The following CGNL1 variants were observed in gnomAD, a reference collection of about 807,000 sequenced individuals.
The protein encoded by CGNL1 is cingulin like 1.
CGNL1 carries 132 observed loss-of-function variants against 141.2 expected under a neutral mutation model. The observed-to-expected ratio is 0.93, with a 90% CI of 0.81 to 1.08. The LOEUF (loss-of-function observed/expected upper bound fraction) is 1.08, where lower values mean the gene tolerates loss of function less well. Ranked by LOEUF, CGNL1 falls within the 50% of genes least tolerant of loss-of-function variation. The pLI is 0.00. For synonymous variants in CGNL1, 690 were observed against 622.1 expected, an observed-to-expected ratio of 1.11 and a Z score of -1.63; for missense variants, 1,870 against 1,588.6, an observed-to-expected ratio of 1.18 and a Z score of -3.01.
At chr15:57,418,857 C>T (rs7494888) in intron 1 of CGNL1, among the ~76,000 whole-genome samples, 29,277 of 151,556 alleles carry the variant, frequency 0.19, 3,092 homozygotes, top group Middle Eastern at 0.26. Flanking sequence ...CCAGAGCTGG[C>T]GGGTGAGTCG....
At position 57,451,508 on chromosome 15, in the gene CGNL1, T is replaced by C; in HGVS notation, c.1812T>C (p.Asn604=). 1 of 1,608,950 alleles carries C rather than the reference T, an allele frequency of 6.2e-7. No individual in the cohort carries two copies. Among genetic ancestry groups the C allele is most frequent in the Non-Finnish European group, 8.5e-7 (1 of 1,177,162 alleles). The change falls in exon 5 of 19, where the codon AAT becomes AAC. Residue 604 remains asparagine (N), a synonymous_variant. Coordinates refer to ENST00000281282, the MANE Select transcript of CGNL1 (RefSeq NM_032866.5). ...GSAQGNNQAC[N]STSEVKDLLE... ...TTTGCAATTAATTATAGGCTTGTAA[T>C]TCCACATCTGAAGTCAAAGATCTAT...
rs183519069 is a variant in CGNL1, at chr15:57,519,347, G to A, written c.2715+850G>A. On this transcript the variant is annotated intron_variant, in intron 10 of 18. Coordinates refer to ENST00000281282, the MANE Select transcript of CGNL1 (RefSeq NM_032866.5). ...TGTAGTCAGGGATAGGTGAAGTGGGGGCATTAAAAGTGTTAAGAGCCGAGT... is the reference window on the plus strand; with the variant it reads ...TGTAGTCAGGGATAGGTGAAGTGGGAGCATTAAAAGTGTTAAGAGCCGAGT... 7.4e-4 allele frequency among the ~76,000 whole-genome samples: 112 copies of A among 152,222 alleles called. 1 individual carries two copies. Among genetic ancestry groups the A allele is most frequent in the African/African-American group, 2.6e-3 (110 of 41,524 alleles).
chr15:57,514,826 C>A (rs537418925), intron 8 of CGNL1, among the ~76,000 whole-genome samples: 1 of 152,196 alleles, frequency 6.6e-6, no homozygotes, highest in African/African-American at 2.4e-5. Flanking sequence ...ATGTGGATAT[C>A]CAGTTGTAGT....
At chr15:57,544,753 G>C (rs1049653493) in intron 16 of CGNL1, among the ~76,000 whole-genome samples, 156 bp downstream of exon 16, 9 of 152,198 alleles carry the variant, frequency 5.9e-5, no homozygotes, top group Non-Finnish European at 1.2e-4. Context: ...CATTTTATAG[G>C]TGGGAAAACA....
chr15:57,381,882 A>C (rs2062428901), intron 1 of CGNL1, among the ~76,000 whole-genome samples: 1 of 152,180 alleles, frequency 6.6e-6, no homozygotes, highest in Non-Finnish European at 1.5e-5. Flanking sequence ...TCCCAAGGGA[A>C]ATTTATGGAC....
intron 8 of CGNL1, among the ~76,000 whole-genome samples, chr15:57,492,486 A>G (rs750506258): frequency 6.6e-6 from 1 of 152,234 alleles, no homozygotes; most frequent in Non-Finnish European, 1.5e-5. Flanking sequence ...GAGAATACTT[A>G]CAAAAGCACA....
At chr15:57,431,365 T>G (rs1325019347) in intron 1 of CGNL1, among the ~76,000 whole-genome samples, 1 of 152,222 alleles carries the variant, frequency 6.6e-6, no homozygotes, top group Non-Finnish European at 1.5e-5. Flanking sequence ...CTGAAGAGTT[T>G]GGTCAGTTTC....
chr15:57,437,103 G>A (rs1389998449), intron 1 of CGNL1, among the ~76,000 whole-genome samples: 2 of 152,120 alleles, frequency 1.3e-5, no homozygotes, highest in South Asian at 2.1e-4. Flanking sequence ...GAGGAACCTC[G>A]GAGTGTGAGG....
intron 13 of CGNL1, 108 bp from the exon 14 acceptor site, chr15:57,531,582 G>A (rs2140178008): frequency 1.4e-6 from 1 of 711,670 alleles, no homozygotes; most frequent in East Asian, 2.5e-5. Flanking sequence ...AACTCTAATG[G>A]TAGTTAGCTC....
intron 8 of CGNL1, among the ~76,000 whole-genome samples, chr15:57,488,383 C>T (rs2063812921): frequency 6.6e-6 from 1 of 152,184 alleles, no homozygotes; most frequent in South Asian, 2.1e-4. Context: ...CTTTGAAGCG[C>T]AAAGATTTTT....
At chr15:57,544,332 C>G (rs1935424254) in intron 15 of CGNL1, 141 bp from the exon 16 acceptor site, 1 of 984,528 alleles carries the variant, frequency 1.0e-6, no homozygotes, top group Non-Finnish European at 1.5e-6. Flanking sequence ...TTCCCCAGGT[C>G]TCCAGGCCAC....
At chr15:57,498,486 T>A (rs992952481) in intron 8 of CGNL1, among the ~76,000 whole-genome samples, 2 of 152,178 alleles carry the variant, frequency 1.3e-5, no homozygotes, top group African/African-American at 4.8e-5. Context: ...ATTACAGGTA[T>A]GAGCCCCTGT....
chr15:57,477,112 T>C (rs908920364), intron 8 of CGNL1, among the ~76,000 whole-genome samples: 2 of 152,152 alleles, frequency 1.3e-5, no homozygotes, highest in Admixed American at 6.5e-5. Flanking sequence ...TAGGGAAACA[T>C]TGAGTCCCCT....
At chr15:57,440,798 T>A (rs1414058840) in intron 3 of CGNL1, among the ~76,000 whole-genome samples, 2 of 152,228 alleles carry the variant, frequency 1.3e-5, no homozygotes, top group Non-Finnish European at 2.9e-5. Context: ...CGCCATCACC[T>A]TGAGTTCTTC....
chr15:57,440,460 C>T lies in CGNL1; in HGVS notation c.1686C>T (p.Tyr562=). Residue 562 remains tyrosine (Y), a synonymous_variant, in exon 3 of 19, where the codon TAC becomes TAT. Coordinates refer to ENST00000281282, the MANE Select transcript of CGNL1 (RefSeq NM_032866.5). ...CAGCTAAGCAGATTCTCTACAATTA[C>T]CTCAAAGAAGGGTTAGTGATTTTCC... is the stretch of plus-strand genomic sequence containing the variant. ...EETAKQILYN[Y]LKEGSTDNDD... is the part of the protein sequence containing the mutation. The T allele has an allele frequency of 6.3e-7, 1 of 1,587,288 alleles. No individual in the cohort carries two copies. Among genetic ancestry groups the T allele is most frequent in the South Asian group, 1.2e-5 (1 of 86,796 alleles).
At chr15:57,478,047 T>G (rs1373788776) in intron 8 of CGNL1, among the ~76,000 whole-genome samples, 1 of 152,218 alleles carries the variant, frequency 6.6e-6, no homozygotes, top group African/African-American at 2.4e-5. Context: ...ACTAACAGGA[T>G]AGTAAGGCCC....
At chr15:57,433,586 T>C (rs1186033059) in intron 1 of CGNL1, among the ~76,000 whole-genome samples, 1 of 152,046 alleles carries the variant, frequency 6.6e-6, no homozygotes, top group Non-Finnish European at 1.5e-5. Context: ...ATTGTTACCA[T>C]AGTAGGCCAG....
At chr15:57,393,608 A>C (rs1014813972) in intron 1 of CGNL1, among the ~76,000 whole-genome samples, 20 of 152,212 alleles carry the variant, frequency 1.3e-4, no homozygotes, top group African/African-American at 4.8e-4. Context: ...TTGGGATCCA[A>C]AGAATCTGAG....
At chr15:57,418,535 G>C (rs1435508179) in intron 1 of CGNL1, among the ~76,000 whole-genome samples, 5 of 152,146 alleles carry the variant, frequency 3.3e-5, no homozygotes, top group Admixed American at 1.3e-4. Flanking sequence ...TCTTCCTTCT[G>C]TAAGATGGCA....
Sources: gnomAD v4.1 joint callset for allele counts (sites outside exome capture counted in the v4.1 genomes callset) on GRCh38, gnomAD v4.1.1 for gene constraint, MANE v1.5 for transcripts, NCBI Gene and HGNC (gene_info 2026-07-23, HGNC 2026-07-21) for gene names.